Variants in PLA2G4C observed in about 807,000 individuals in gnomAD.
PLA2G4C encodes the protein phospholipase A2 group IVC.
Under a neutral mutation model 73.8 loss-of-function variants are expected in PLA2G4C, and 64 were observed. That is an observed-to-expected ratio of 0.87 (90% CI 0.71 to 1.07). PLA2G4C has a LOEUF of 1.07. PLA2G4C is among the 50% of genes least tolerant of loss of function. The probability of loss-of-function intolerance (pLI) is 0.00; values close to 1 mark genes in which losing one functional copy is unlikely to be tolerated. For missense variants in PLA2G4C, 622 were observed against 665.4 expected (o/e 0.93, Z 0.72); for synonymous variants, 254 against 252.1 (o/e 1.01, Z -0.07).
At position 48,062,041 on chromosome 19, in the gene PLA2G4C, T is replaced by G. The variant is rs1968200488; in HGVS notation, c.1214A>C (p.His405Pro). Reference protein sequence around the residue: ...PLVLPPTREVHLILSFDFSAG... With the variant: ...PLVLPPTREVPLILSFDFSAG... ...ACTGAAGTCGAAGGAGAGGATGAGG[T>G]GAACCTCCCGCGTCGGGGGCAGCAC... is the stretch of plus-strand genomic sequence containing the variant. Residue 405 changes from histidine (H) to proline (P), a missense_variant, in exon 14 of 17, where the codon CAC (histidine) becomes CCC (proline). Physicochemically the swap from His to Pro is moderately conservative, Grantham distance 77. Transcript: ENST00000599921. The G allele has an allele frequency of 6.2e-7, 1 of 1,613,704 alleles. No homozygotes were observed. The highest frequency in any genetic ancestry group is 1.3e-5 in the African/African-American group (1 of 74,926).
At chr19:48,064,430 C>CA (rs59148675) in intron 13 of PLA2G4C, among the ~76,000 whole-genome samples, 112,380 of 141,062 alleles carry the variant, frequency 0.8, 44,215 homozygotes, top group Middle Eastern at 0.87. Flanking sequence ...AACTCTGTCT[C>CA]AAAAAAAAAA....
intron 5 of PLA2G4C, among the ~76,000 whole-genome samples, chr19:48,098,713 TAAAAAAAA>T (rs548688675): frequency 8.1e-4 from 25 of 30,906 alleles, no homozygotes; most frequent in East Asian, 1.3e-3. Flanking sequence ...ACCCTATCTC[TAAAAAAAA>T]AAAAAAAAAA....
At chr19:48,065,277 C>CGGG (rs58262408) in intron 13 of PLA2G4C, among the ~76,000 whole-genome samples, 2 of 70,516 alleles carry the variant, frequency 2.8e-5, no homozygotes, top group African/African-American at 7.3e-5. Context: ...GAGGAGGGGT[C>CGGG]GGGGGGGGGC....
At chr19:48,056,987 G>A (rs1181367441) in intron 14 of PLA2G4C, among the ~76,000 whole-genome samples, 1 of 152,098 alleles carries the variant, frequency 6.6e-6, no homozygotes, top group African/African-American at 2.4e-5. Flanking sequence ...AGTGTTGGGT[G>A]GAGAGCGGGA....
chr19:48,090,394 T>G lies in PLA2G4C; in HGVS notation c.733A>C (p.Asn245His). Residue 245 changes from asparagine (N) to histidine (H), a missense_variant, in exon 8 of 17, where the codon AAC (asparagine) becomes CAC (histidine). Coordinates refer to ENST00000599921, the MANE Select transcript of PLA2G4C (RefSeq NM_003706.3). ...LRGLWGSALG[N>H]TEVIREYIFD... ...ATGTATTCCCTAATGACTTCAGTGTTACCAAGAGCACTTCCCCATAAACCT... is the reference window on the plus strand; with the variant it reads ...ATGTATTCCCTAATGACTTCAGTGTGACCAAGAGCACTTCCCCATAAACCT... 6.2e-7 allele frequency: 1 copy of G among 1,612,774 alleles called. No individual in the cohort carries two copies. The highest frequency in any genetic ancestry group is 1.1e-5 in the South Asian group (1 of 91,052).
intron 7 of PLA2G4C, among the ~76,000 whole-genome samples, chr19:48,092,142 C>T (rs1039340313): frequency 1.1e-4 from 16 of 152,004 alleles, no homozygotes; most frequent in African/African-American, 2.4e-4. Flanking sequence ...TTCCGCCTCT[C>T]GAGATCAAGA....
At chr19:48,054,473 A>AT (rs201733263) in intron 15 of PLA2G4C, among the ~76,000 whole-genome samples, 14,768 of 141,402 alleles carry the variant, frequency 0.1, 1,189 homozygotes, top group African/African-American at 0.22. Context: ...CCAGCAATTT[A>AT]TTTTTTTTTG....
chr19:48,104,527 G>A, intron 4 of PLA2G4C, 61 bp downstream of exon 4: 1 of 1,543,030 alleles, frequency 6.5e-7, no homozygotes, highest in Non-Finnish European at 8.9e-7. Flanking sequence ...TTGGTGTCAG[G>A]AGGAAAAAAA....
At chr19:48,085,933 C>T (rs2030949399) in intron 9 of PLA2G4C, among the ~76,000 whole-genome samples, 1 of 152,146 alleles carries the variant, frequency 6.6e-6, no homozygotes, top group South Asian at 2.1e-4. Flanking sequence ...CTCCCAGATC[C>T]CAGTATGGAC....
intron 14 of PLA2G4C, among the ~76,000 whole-genome samples, chr19:48,057,433 A>G (rs542554614): frequency 6.7e-6 from 1 of 149,392 alleles, no homozygotes; most frequent in South Asian, 2.1e-4. Context: ...CATTAGCAAA[A>G]GGAGATGCAG....
chr19:48,110,004 A>C (rs2032411622), intron 1 of PLA2G4C, among the ~76,000 whole-genome samples: 1 of 150,044 alleles, frequency 6.7e-6, no homozygotes, highest in South Asian at 2.2e-4. Context: ...AGGAGAAACC[A>C]ACCCTGCCAA....
At chr19:48,054,845 G>T in intron 15 of PLA2G4C, 33 bp downstream of exon 15, 1 of 1,599,580 alleles carries the variant, frequency 6.3e-7, no homozygotes, top group Non-Finnish European at 8.6e-7. Flanking sequence ...ACTAATACAG[G>T]TGGCTTCTCA....
At chr19:48,106,397 G>C in intron 2 of PLA2G4C, 125 bp downstream of exon 2, 1 of 799,378 alleles carries the variant, frequency 1.3e-6, no homozygotes, top group South Asian at 1.6e-5. Context: ...CCAACCTTCA[G>C]CTCTTTCCAT....
Position 48,105,928 on chromosome 19 carries a change from TCCC to T in PLA2G4C, c.9-487_9-485del, listed in dbSNP as rs1568457483. Reference sequence around the variant, plus strand: ...CTCCCTCCCTCCCTCCCTCCCTCCCTCCCTCCCTCCCTCCCTCCCTTCTTTCTT... The same window carrying T: ...CTCCCTCCCTCCCTCCCTCCCTCCCTTCCCTCCCTCCCTCCCTTCTTTCTT... On this transcript the variant is annotated intron_variant, in intron 2 of 16. Transcript: ENST00000599921. Among the ~76,000 whole-genome samples, 94 of 26,254 alleles carry T rather than the reference TCCC, an allele frequency of 3.6e-3. 15 individuals are homozygous for T. The highest frequency in any genetic ancestry group is 0.016 in the African/African-American group (58 of 3,626). The allele number at this position is 26,254 out of a possible 152,430, so 17.2% of individuals were successfully genotyped here.
intron 2 of PLA2G4C, 161 bp from the exon 3 acceptor site, chr19:48,105,605 G>T (rs2032137093): frequency 1.7e-6 from 1 of 602,990 alleles, no homozygotes; most frequent in Admixed American, 3.0e-5. Flanking sequence ...CTAGATAGAG[G>T]TGATGGTTGT....
intron 16 of PLA2G4C, among the ~76,000 whole-genome samples, chr19:48,049,833 G>A (rs945242781): frequency 2.0e-5 from 3 of 152,176 alleles, no homozygotes; most frequent in African/African-American, 7.2e-5. Context: ...GAGGTCTCAG[G>A]AGAAACCACC....
chr19:48,063,023 A>G (rs1199738021), intron 13 of PLA2G4C, among the ~76,000 whole-genome samples: 2 of 152,120 alleles, frequency 1.3e-5, no homozygotes, highest in East Asian at 1.9e-4. Flanking sequence ...CTTCCAGGTC[A>G]CAGGTAGATA....
At chr19:48,054,473 A>ATTT (rs201733263) in intron 15 of PLA2G4C, among the ~76,000 whole-genome samples, 2 of 141,532 alleles carry the variant, frequency 1.4e-5, no homozygotes, top group East Asian at 2.1e-4. Context: ...CCAGCAATTT[A>ATTT]TTTTTTTTTG....
rs748076032 is a variant in PLA2G4C, at chr19:48,062,073, G to C, written c.1182C>G (p.Phe394Leu). The change falls in exon 14 of 17, where the codon TTC becomes TTG. Residue 394 changes from phenylalanine to leucine, a missense_variant. Phe to Leu is a conservative substitution (Grantham distance 22). Coordinates refer to ENST00000599921, the MANE Select transcript of PLA2G4C (RefSeq NM_003706.3). ...CCCGCGTCGGGGGCAGCACGAGTGG[G>C]AAGGGAGTGTTGATGGCTAAACCAG... is the stretch of plus-strand genomic sequence containing the variant. ...VDAGLAINTP[F>L]PLVLPPTREV... The C allele has an allele frequency of 6.2e-7, 1 of 1,613,758 alleles. No homozygotes were observed. The highest frequency in any genetic ancestry group is 8.5e-7 in the Non-Finnish European group (1 of 1,179,852).
Sources: gnomAD v4.1 joint callset for allele counts (sites outside exome capture counted in the v4.1 genomes callset) on GRCh38, gnomAD v4.1.1 for gene constraint, MANE v1.5 for transcripts, NCBI Gene and HGNC (gene_info 2026-07-23, HGNC 2026-07-21) for gene names.